Variants in CORIN observed in about 807,000 individuals in gnomAD.
CORIN encodes the protein atrial natriuretic peptide-converting enzyme.
In CORIN, 117 loss-of-function variants were observed where a neutral mutation model predicts 125.3. That is an observed-to-expected ratio of 0.93 (90% confidence interval 0.80 to 1.09). CORIN has a LOEUF of 1.09. CORIN is among the 50% of genes least tolerant of loss of function. The probability of loss-of-function intolerance (pLI) is 0.00; values close to 1 mark genes in which losing one functional copy is unlikely to be tolerated. For synonymous variants in CORIN, 450 were observed against 466.4 expected (o/e 0.96, Z 0.45); for missense variants, 1,253 against 1,306.7 (o/e 0.96, Z 0.63).
chr4:47,711,908 C>T (rs1726859234), intron 5 of CORIN, among the ~76,000 whole-genome samples: 1 of 152,186 alleles, frequency 6.6e-6, no homozygotes, highest in South Asian at 2.1e-4. Context: ...TAGCTATAAA[C>T]GTGACAGACT....
At chr4:47,726,330 C>A (rs552539377) in intron 5 of CORIN, among the ~76,000 whole-genome samples, 1 of 151,930 alleles carries the variant, frequency 6.6e-6, no homozygotes, top group Non-Finnish European at 1.5e-5. Context: ...AGCAAATAAA[C>A]AAATTGAGGT....
chr4:47,661,076 A>G (rs1032810208), intron 12 of CORIN, among the ~76,000 whole-genome samples: 4 of 152,252 alleles, frequency 2.6e-5, no homozygotes, highest in African/African-American at 9.6e-5. Flanking sequence ...TAAGCCAGGC[A>G]CAGAAATACA....
chr4:47,727,510 C>A (rs941315838), intron 5 of CORIN, among the ~76,000 whole-genome samples: 1 of 152,046 alleles, frequency 6.6e-6, no homozygotes, highest in Non-Finnish European at 1.5e-5. Flanking sequence ...AAACTGTTGA[C>A]AGAGTCTTAT....
At chr4:47,698,421 G>A (rs772514881) in intron 5 of CORIN, among the ~76,000 whole-genome samples, 9 of 151,686 alleles carry the variant, frequency 5.9e-5, no homozygotes, top group African/African-American at 9.7e-5. Context: ...GAGTCTGCCC[G>A]GCAGGTGTCA....
At chr4:47,824,325 AAAT>A (rs1373973771) in intron 1 of CORIN, among the ~76,000 whole-genome samples, 3 of 141,560 alleles carry the variant, frequency 2.1e-5, no homozygotes, top group African/African-American at 7.9e-5. Context: ...AAAAAAAAAA[AAAT>A]ACACACACAG....
chr4:47,765,805 A>AT (rs1729705662), intron 3 of CORIN, among the ~76,000 whole-genome samples: 1 of 152,048 alleles, frequency 6.6e-6, no homozygotes, highest in African/African-American at 2.4e-5. Flanking sequence ...GACCATTTGC[A>AT]TTTTGTCTTC....
intron 13 of CORIN, among the ~76,000 whole-genome samples, chr4:47,647,059 G>C (rs1723524461): frequency 6.6e-6 from 1 of 152,124 alleles, no homozygotes; most frequent in South Asian, 2.1e-4. Context: ...TGATAATCCG[G>C]GGGGGTCTTA....
chr4:47,823,213 A>C (rs926360839), intron 1 of CORIN, among the ~76,000 whole-genome samples: 1 of 152,168 alleles, frequency 6.6e-6, no homozygotes, highest in Non-Finnish European at 1.5e-5. Context: ...TTAGATCCTC[A>C]ATTTGCCCTC....
chr4:47,602,227 T>C (rs1721477339), intron 20 of CORIN, among the ~76,000 whole-genome samples: 1 of 152,176 alleles, frequency 6.6e-6, no homozygotes, highest in Non-Finnish European at 1.5e-5. Context: ...GCCGAGATTG[T>C]GCCACTGCAT....
chr4:47,619,172 G>C (rs891896712), intron 19 of CORIN, among the ~76,000 whole-genome samples: 10 of 152,154 alleles, frequency 6.6e-5, no homozygotes, highest in African/African-American at 2.4e-4. Context: ...TTTTGAAAGC[G>C]AATTGTCACT....
chr4:47,826,468 G>GCT (rs1467726962), intron 1 of CORIN, among the ~76,000 whole-genome samples: 1 of 152,182 alleles, frequency 6.6e-6, no homozygotes, highest in Non-Finnish European at 1.5e-5. Context: ...CCTTCTGAAG[G>GCT]CTCTCAGGGG....
chr4:47,735,737 G>A lies in CORIN; in HGVS notation c.799+8665C>T, dbSNP rs959106144. 2.6e-5 allele frequency among the ~76,000 whole-genome samples: 4 copies of A among 151,874 alleles called. No homozygotes were observed. In the South Asian group the frequency reaches 8.3e-4, roughly 32 times the overall value. Reference sequence around the variant, plus strand: ...AGATCAAGACCACCCTGGCTAACACGGTGAAACCACGTCTCTACTAAAAAT... The same window carrying A: ...AGATCAAGACCACCCTGGCTAACACAGTGAAACCACGTCTCTACTAAAAAT... On this transcript the variant is annotated intron_variant, in intron 5 of 21. Coordinates refer to ENST00000273857, the MANE Select transcript of CORIN (RefSeq NM_006587.4).
chr4:47,807,431 T>A (rs992365386), intron 1 of CORIN, among the ~76,000 whole-genome samples: 2 of 152,172 alleles, frequency 1.3e-5, no homozygotes, highest in Non-Finnish European at 2.9e-5. Flanking sequence ...TGATAAAAAA[T>A]TGGTAAGTAG....
At chr4:47,668,269 G>T (rs560951068) in intron 10 of CORIN, among the ~76,000 whole-genome samples, 5 of 152,290 alleles carry the variant, frequency 3.3e-5, no homozygotes, top group African/African-American at 1.2e-4. Context: ...ACACTACAAA[G>T]ATGCAGAAAG....
At chr4:47,721,461 G>A (rs574834029) in intron 5 of CORIN, among the ~76,000 whole-genome samples, 17 of 152,116 alleles carry the variant, frequency 1.1e-4, no homozygotes, top group African/African-American at 4.1e-4. Context: ...AAGAGATGGG[G>A]TTTTGCCATG....
At chr4:47,644,936 T>C in intron 14 of CORIN, 145 bp downstream of exon 14, 1 of 528,230 alleles carries the variant, frequency 1.9e-6, no homozygotes, top group Non-Finnish European at 3.4e-6. Context: ...AGAATATGTC[T>C]TTACAAGTGG....
At position 47,764,967 on chromosome 4, in the gene CORIN, G is replaced by A. The variant is rs555104963; in HGVS notation, c.410-1381C>T. ...CTAAAAGGCTCATTCCCTCCACCCA[G>A]CCAAAGAAACCACTGAATATTAAGA... On this transcript the variant is annotated intron_variant, in intron 3 of 21. Transcript: ENST00000273857. 5.3e-5 allele frequency among the ~76,000 whole-genome samples: 8 copies of A among 152,136 alleles called. No homozygotes were observed. In the South Asian group the frequency reaches 1.7e-3, roughly 32 times the overall value.
intron 16 of CORIN, among the ~76,000 whole-genome samples, chr4:47,636,915 T>A (rs1012315701): frequency 2.6e-5 from 4 of 152,072 alleles, no homozygotes; most frequent in African/African-American, 9.7e-5. Context: ...CAGGCAGAAT[T>A]TGGAAAAGTT....
rs536744065 is a variant in CORIN at position 47,745,314 on chromosome 4, C to T, written c.618-731G>A. ...GCCACGGACTTGCTTCCTTGCAGAC[C>T]CAGGTAATTGTTTCTACTTTACAGC... On this transcript the variant is annotated intron_variant, in intron 4 of 21. Coordinates refer to ENST00000273857, the MANE Select transcript of CORIN (RefSeq NM_006587.4). Among the ~76,000 whole-genome samples the T allele has an allele frequency of 2.0e-5, 3 of 152,278 alleles. No individual in the cohort carries two copies. In the South Asian group the frequency reaches 6.2e-4, roughly 32 times the overall value.
Sources: gnomAD v4.1 joint callset for allele counts (sites outside exome capture counted in the v4.1 genomes callset) on GRCh38, gnomAD v4.1.1 for gene constraint, MANE v1.5 for transcripts, NCBI Gene and HGNC (gene_info 2026-07-23, HGNC 2026-07-21) for gene names.